Variants in DNM3 observed in about 807,000 individuals in gnomAD.
DNM3 encodes dynamin 3.
A neutral mutation model predicts 101.6 loss-of-function variants in DNM3; 47 were observed. The ratio of observed to expected loss-of-function variants is 0.46; its 90% CI spans 0.37 to 0.59. The LOEUF is 0.59. DNM3 is among the 20% of genes least tolerant of loss of function. DNM3 has a pLI of 0.00. For synonymous variants in DNM3, 385 were observed against 387.9 expected (o/e 0.99, Z 0.09); for missense variants, 849 against 1,085.7 (o/e 0.78, Z 3.06).
At chr1:171,921,677 A>G in intron 1 of DNM3, 71 bp from the exon 2 acceptor site, 1 of 1,251,560 alleles carries the variant, frequency 8.0e-7, no homozygotes, top group Non-Finnish European at 1.1e-6. Context: ...ATTGCTGTGG[A>G]ACTTGGTTTA....
chr1:172,386,168 C>G (rs2069168496), intron 18 of DNM3, among the ~76,000 whole-genome samples: 2 of 152,166 alleles, frequency 1.3e-5, no homozygotes, highest in Admixed American at 6.5e-5. Flanking sequence ...TTCTCACATT[C>G]ACTTCTTTTT....
intron 20 of DNM3, among the ~76,000 whole-genome samples, chr1:172,398,230 C>G (rs1045383740): frequency 1.1e-4 from 17 of 152,328 alleles, no homozygotes; most frequent in African/African-American, 3.4e-4. Context: ...TCATTGCACT[C>G]TAGTCCTTCT....
At chr1:172,385,311 C>A (rs1319932929) in intron 18 of DNM3, among the ~76,000 whole-genome samples, 1 of 152,216 alleles carries the variant, frequency 6.6e-6, no homozygotes, top group Non-Finnish European at 1.5e-5. Context: ...CTAAAACTCT[C>A]TTTTATTGTT....
At chr1:172,056,586 G>A (rs898527587) in intron 10 of DNM3, among the ~76,000 whole-genome samples, 4 of 152,256 alleles carry the variant, frequency 2.6e-5, no homozygotes, top group African/African-American at 9.6e-5. Context: ...GGGGCACACT[G>A]ACACCTCACA....
intron 4 of DNM3, among the ~76,000 whole-genome samples, chr1:172,020,665 A>T (rs2047776421): frequency 7.2e-6 from 1 of 138,120 alleles, no homozygotes; most frequent in African/African-American, 2.9e-5. Context: ...TGGAGCTTGC[A>T]GTGGGCCGAG....
chr1:171,972,053 G>A (rs1169278494), intron 2 of DNM3, among the ~76,000 whole-genome samples: 1 of 152,180 alleles, frequency 6.6e-6, no homozygotes, highest in Non-Finnish European at 1.5e-5. Context: ...ACAGCAAATA[G>A]TAGTTCAGTT....
At position 172,151,889 on chromosome 1, in the gene DNM3, T is replaced by A. The variant is rs922836148; in HGVS notation, c.1659+20601T>A. Among the ~76,000 whole-genome samples, 7 of 152,176 alleles carry A rather than the reference T, an allele frequency of 4.6e-5. No individual in the cohort carries two copies. The East Asian group carries it at 1.4e-3, about 29-fold the overall frequency. On this transcript the variant is annotated intron_variant, in intron 14 of 20. Coordinates refer to ENST00000627582, the MANE Select transcript of DNM3 (RefSeq NM_015569.5). The stretch of plus-strand genomic sequence containing the variant: ...AAGTGGTATAAAAGGAGTCTTTGTT[T>A]GTTTGTTTGTTTGAAACACTCTTCC...
intron 14 of DNM3, among the ~76,000 whole-genome samples, chr1:172,251,285 T>G (rs1449052893): frequency 6.6e-6 from 1 of 152,120 alleles, no homozygotes; most frequent in African/African-American, 2.4e-5. Context: ...TTTTAGCTAT[T>G]TTAGATTCAT....
downstream of DNM3, chr1:172,415,524 G>GTTT (rs386368747): frequency 0.35 from 33,336 of 95,680 alleles, 7,301 homozygotes; most frequent in East Asian, 0.57. Context: ...TTTTTTGTGA[G>GTTT]TTTTTTTTTT....
chr1:172,157,600 A>G (rs1447764507), intron 14 of DNM3, among the ~76,000 whole-genome samples: 1 of 152,084 alleles, frequency 6.6e-6, no homozygotes, highest in Non-Finnish European at 1.5e-5. Flanking sequence ...CAGATTGAAA[A>G]TATTTGAAAA....
chr1:171,854,192 G>A (rs2033319109), intron 1 of DNM3, among the ~76,000 whole-genome samples: 2 of 152,162 alleles, frequency 1.3e-5, no homozygotes, highest in South Asian at 4.1e-4. Context: ...TGTATTCTGT[G>A]GAGCCTGACT....
intron 15 of DNM3, among the ~76,000 whole-genome samples, chr1:172,268,274 TAA>T (rs369755878): frequency 0.17 from 23,842 of 136,594 alleles, 2,236 homozygotes; most frequent in East Asian, 0.26. Context: ...AGCAAGTCAG[TAA>T]AAAAAAAAAA....
At chr1:172,343,886 A>G (rs2066807955) in intron 17 of DNM3, among the ~76,000 whole-genome samples, 1 of 152,156 alleles carries the variant, frequency 6.6e-6, no homozygotes. Context: ...TTATTTTTAC[A>G]TGTTATTTAC....
chr1:172,026,305 A>G (rs1230753975), intron 4 of DNM3, among the ~76,000 whole-genome samples: 1 of 152,192 alleles, frequency 6.6e-6, no homozygotes, highest in Non-Finnish European at 1.5e-5. Flanking sequence ...ATATGGGGCT[A>G]TGTGAAAAGA....
intron 12 of DNM3, among the ~76,000 whole-genome samples, chr1:172,089,073 TGCACACAC>T (rs1324205650): frequency 2.6e-5 from 4 of 152,370 alleles, no homozygotes; most frequent in South Asian, 2.1e-4. Context: ...CAAATGTGCG[TGCACACAC>T]GCACACACAT....
intron 4 of DNM3, among the ~76,000 whole-genome samples, chr1:172,016,875 GA>G (rs948682194): frequency 3.3e-5 from 5 of 151,166 alleles, no homozygotes; most frequent in Admixed American, 3.3e-4. Context: ...ATTAATTATT[GA>G]AAAAAAACCA....
intron 13 of DNM3, among the ~76,000 whole-genome samples, chr1:172,116,628 A>G (rs1227271478): frequency 1.3e-5 from 2 of 152,150 alleles, no homozygotes; most frequent in South Asian, 2.1e-4. Flanking sequence ...CTATGAACCA[A>G]CTGTTTTTGG....
chr1:172,382,673 G>A (rs1478789086), intron 18 of DNM3, among the ~76,000 whole-genome samples: 1 of 152,058 alleles, frequency 6.6e-6, no homozygotes, highest in East Asian at 1.9e-4. Context: ...ACCCCCACAG[G>A]GTATTCATGA....
chr1:172,067,602 C>T (rs1048184946), intron 10 of DNM3, among the ~76,000 whole-genome samples: 3 of 152,126 alleles, frequency 2.0e-5, no homozygotes, highest in South Asian at 2.1e-4. Context: ...ATCTTCTCCA[C>T]GGCCATTCTC....
Sources: gnomAD v4.1 joint callset for allele counts (sites outside exome capture counted in the v4.1 genomes callset) on GRCh38, gnomAD v4.1.1 for gene constraint, MANE v1.5 for transcripts, NCBI Gene and HGNC (gene_info 2026-07-23, HGNC 2026-07-21) for gene names.